PCDH11Y: variants seen among roughly 807,000 people sequenced by gnomAD.
PCDH11Y encodes protocadherin-11 Y-linked.
For synonymous variants in PCDH11Y, 9 were observed against 83.6 expected, an observed-to-expected ratio of 0.11 and a Z score of 4.87; for missense variants, 12 against 224.8, an observed-to-expected ratio of 0.05 and a Z score of 6.05.
intron 4 of PCDH11Y, among the ~76,000 whole-genome samples, chrY:5,660,792 T>A: frequency 3.0e-5 from 1 of 33,756 alleles, no homozygotes. Flanking sequence ...TTGTTAAAAT[T>A]TGGTGTTCCA....
chrY:5,166,959 C>A (rs2052879647), intron 2 of PCDH11Y, among the ~76,000 whole-genome samples: 1 of 32,304 alleles, frequency 3.1e-5, no homozygotes. Context: ...TATATTTTAC[C>A]ATATTAAGAA....
intron 2 of PCDH11Y, among the ~76,000 whole-genome samples, chrY:5,454,477 G>T (rs2053295956): frequency 5.9e-5 from 2 of 33,724 alleles, no homozygotes; most frequent in African/African-American, 2.3e-4. Context: ...GGACTCTGTG[G>T]GGGCTCCAAC....
chrY:5,486,726 TACAC>T (rs2053333016), intron 2 of PCDH11Y, among the ~76,000 whole-genome samples: 1 of 9,429 alleles, frequency 1.1e-4, no homozygotes, highest in African/African-American at 6.0e-4. Flanking sequence ...TATATATATA[TACAC>T]ATATATATAT....
intron 3 of PCDH11Y, among the ~76,000 whole-genome samples, chrY:5,560,795 G>C: frequency 8.8e-5 from 3 of 33,911 alleles, no homozygotes; most frequent in Non-Finnish European, 2.2e-4. Context: ...ACCTCTGCTA[G>C]GGCAGTGTGC....
intron 2 of PCDH11Y, among the ~76,000 whole-genome samples, chrY:5,222,478 A>G: frequency 3.5e-5 from 1 of 28,910 alleles, no homozygotes; most frequent in African/African-American, 1.4e-4. Flanking sequence ...ATCTGTTAAG[A>G]TTTCCTATTT....
chrY:5,340,140 G>C, intron 2 of PCDH11Y, among the ~76,000 whole-genome samples: 1 of 32,901 alleles, frequency 3.0e-5, no homozygotes, highest in Non-Finnish European at 7.5e-5. Flanking sequence ...GAAGCCAACA[G>C]TTTAGCCTTC....
intron 2 of PCDH11Y, among the ~76,000 whole-genome samples, chrY:5,141,876 A>G (rs2052850740): frequency 4.1e-5 from 1 of 24,688 alleles, no homozygotes; most frequent in African/African-American, 1.7e-4. Context: ...TGTCCAAAAT[A>G]CCAAAAGCAA....
chrY:5,600,555 A>T, intron 4 of PCDH11Y, among the ~76,000 whole-genome samples: 1 of 32,292 alleles, frequency 3.1e-5, no homozygotes, highest in African/African-American at 1.2e-4. Flanking sequence ...ACATCCCTGA[A>T]TCCTAAATTT....
chrY:5,381,267 C>T, intron 2 of PCDH11Y, among the ~76,000 whole-genome samples: 1 of 32,027 alleles, frequency 3.1e-5, no homozygotes, highest in Admixed American at 2.9e-4. Context: ...TGTGCTCTTT[C>T]CTTAGGATCT....
upstream of PCDH11Y, among the ~76,000 whole-genome samples, chrY:5,054,916 T>C: frequency 1.2e-4 from 4 of 32,897 alleles, no homozygotes; most frequent in African/African-American, 2.4e-4. Context: ...ACAGTGTTTT[T>C]ATGTTGTTTA....
At chrY:5,106,948 T>C, downstream of PCDH11Y, among the ~76,000 whole-genome samples, 1 of 30,915 alleles carries the variant, frequency 3.2e-5, no homozygotes, top group African/African-American at 1.3e-4. Flanking sequence ...AAGTGTCCCA[T>C]AATAAGCTGT....
At chrY:5,261,957 G>A in intron 2 of PCDH11Y, among the ~76,000 whole-genome samples, 3 of 32,991 alleles carry the variant, frequency 9.1e-5, no homozygotes, top group Non-Finnish European at 2.2e-4. Flanking sequence ...TCCTTTTTAC[G>A]GCTGCATAGT....
At chrY:5,467,392 T>C (rs2053309299) in intron 2 of PCDH11Y, among the ~76,000 whole-genome samples, 2 of 30,662 alleles carry the variant, frequency 6.5e-5, no homozygotes, top group Non-Finnish European at 8.0e-5. Context: ...TGCTATCTCA[T>C]GTTAAGACTG....
Position 5,349,247 on chromosome Y carries a change from A to G in PCDH11Y, c.3130-151810A>G, listed in dbSNP as rs2124670023. On this transcript the variant is annotated intron_variant, in intron 2 of 4. Coordinates refer to the PCDH11Y transcript ENST00000400457. Reference sequence around the variant, plus strand: ...CCCAGGCCATTTGGGAGTAGGGCCTATGTTGAAAGCATCCCAAGGTTTTCA... The same window carrying G: ...CCCAGGCCATTTGGGAGTAGGGCCTGTGTTGAAAGCATCCCAAGGTTTTCA... Among the ~76,000 whole-genome samples the G allele has an allele frequency of 9.3e-5, 3 of 32,414 alleles. No individual in the cohort carries two copies. In the South Asian group the frequency reaches 2.1e-3, roughly 23 times the overall value. The allele number at this position is 32,414 out of a possible 37,273, so 87.0% of individuals were successfully genotyped here. A position where few individuals can be genotyped will look rare whatever the true frequency, so the allele number is the denominator to read the frequency against.
At chrY:5,231,127 C>G in intron 2 of PCDH11Y, among the ~76,000 whole-genome samples, 1 of 32,782 alleles carries the variant, frequency 3.1e-5, no homozygotes, top group African/African-American at 1.2e-4. Flanking sequence ...TCACATACCC[C>G]TGTTCCTCCA....
At chrY:5,243,345 A>G in intron 2 of PCDH11Y, among the ~76,000 whole-genome samples, 1 of 33,221 alleles carries the variant, frequency 3.0e-5, no homozygotes, top group African/African-American at 1.3e-4. Flanking sequence ...TTGAAAATGA[A>G]AAAGAACAGT....
intron 2 of PCDH11Y, among the ~76,000 whole-genome samples, chrY:5,125,043 C>T: frequency 3.1e-5 from 1 of 32,359 alleles, no homozygotes; most frequent in East Asian, 8.0e-4. Flanking sequence ...TCAAAATGTA[C>T]TACATGCAAG....
chrY:5,467,451 T>TA (rs565603885), intron 2 of PCDH11Y, among the ~76,000 whole-genome samples: 61 of 27,441 alleles, frequency 2.2e-3, no homozygotes, highest in Middle Eastern at 0.016. Context: ...TTGCAAATTC[T>TA]AAAAAAAAAA....
chrY:5,460,415 C>T, intron 2 of PCDH11Y, among the ~76,000 whole-genome samples: 1 of 33,088 alleles, frequency 3.0e-5, no homozygotes, highest in Non-Finnish European at 7.5e-5. Context: ...TGTTTAATGT[C>T]AGTGAACAAT....
Sources: allele counts gnomAD v4.1 joint callset (sites outside exome capture counted in the v4.1 genomes callset), GRCh38; gene constraint gnomAD v4.1.1; transcripts MANE v1.5; gene names NCBI Gene and HGNC (gene_info 2026-07-23, HGNC 2026-07-21).